SLC13A3: variants seen among roughly 807,000 people sequenced by gnomAD.
SLC13A3 encodes solute carrier family 13 member 3.
A neutral mutation model predicts 59.0 loss-of-function variants in SLC13A3; 40 were observed. The observed-to-expected ratio is 0.68, with a 90% CI of 0.53 to 0.88. The LOEUF (loss-of-function observed/expected upper bound fraction) is 0.88. Among genes scored for constraint, SLC13A3 ranks in the 40% least tolerant of loss-of-function variants. The probability of loss-of-function intolerance (pLI) is 0.00; values close to 1 mark genes in which losing one functional copy is unlikely to be tolerated. For synonymous variants in SLC13A3, 317 were observed against 330.3 expected (o/e 0.96, Z 0.44); for missense variants, 699 against 783.2 (o/e 0.89, Z 1.28).
intron 1 of SLC13A3, among the ~76,000 whole-genome samples, chr20:46,622,920 A>T (rs1333985682): frequency 6.6e-6 from 1 of 152,206 alleles, no homozygotes; most frequent in Non-Finnish European, 1.5e-5. Context: ...AAAAGAAATT[A>T]AAAAGTTGAA....
intron 9 of SLC13A3, among the ~76,000 whole-genome samples, chr20:46,576,408 G>A (rs918788658): frequency 6.6e-6 from 1 of 152,224 alleles, no homozygotes; most frequent in East Asian, 1.9e-4. Context: ...ACCTTCCTCA[G>A]TCTTGGCTTA....
rs2062484228 is a variant in SLC13A3 at position 46,610,553 on chromosome 20, G to A, written c.434C>T (p.Thr145Ile). The change falls in exon 3 of 13, where the codon ACC becomes ATC. Residue 145 changes from threonine (T) to isoleucine (I), a missense_variant. Physicochemically the swap from Thr to Ile is moderately conservative, Grantham distance 89. Transcript: ENST00000279027. ...GGGAAGCATCATGGCAGTGGAGGCG[G>A]TGTTGCTCAGCCACATGGACAAGAA... is the stretch of plus-strand genomic sequence containing the variant. Reference protein sequence around the residue: ...TSFLSMWLSNTASTAMMLPIA... With the variant: ...TSFLSMWLSNIASTAMMLPIA... The A allele has an allele frequency of 6.2e-7, 1 of 1,613,970 alleles. No individual in the cohort carries two copies. The highest frequency in any genetic ancestry group is 1.3e-5 in the African/African-American group (1 of 74,900).
At chr20:46,576,143 G>A (rs1039944244) in intron 9 of SLC13A3, among the ~76,000 whole-genome samples, 10 of 152,076 alleles carry the variant, frequency 6.6e-5, no homozygotes, top group African/African-American at 2.4e-4. Context: ...GCGCTGCAGT[G>A]GTGAGGACAG....
At chr20:46,564,215 T>C (rs1239500724) in intron 11 of SLC13A3, among the ~76,000 whole-genome samples, 1 of 152,238 alleles carries the variant, frequency 6.6e-6, no homozygotes, top group Non-Finnish European at 1.5e-5. Flanking sequence ...AGAGAGCTCA[T>C]GAGAGCATCT....
chr20:46,608,896 A>T, intron 3 of SLC13A3: 2 of 1,550,618 alleles, frequency 1.3e-6, no homozygotes, highest in Non-Finnish European at 1.7e-6. Context: ...AGGTGCCATC[A>T]TATTCACATT....
intron 5 of SLC13A3, 80 bp downstream of exon 5, chr20:46,596,077 A>C (rs2062309011): frequency 5.1e-6 from 7 of 1,360,196 alleles, no homozygotes; most frequent in Non-Finnish European, 6.1e-6. Context: ...CTCAATACAC[A>C]TTCCCTGGAT....
At chr20:46,592,639 T>C in intron 5 of SLC13A3, 110 bp from the exon 6 acceptor site, 2 of 1,101,102 alleles carry the variant, frequency 1.8e-6, no homozygotes, top group Non-Finnish European at 1.3e-6. Context: ...AATGAGAGGG[T>C]CCCATGGAAG....
chr20:46,662,031 C>T (rs1177536777), intron 1 of SLC13A3, among the ~76,000 whole-genome samples: 1 of 152,222 alleles, frequency 6.6e-6, no homozygotes, highest in East Asian at 1.9e-4. Context: ...ATAAGCTACA[C>T]AGAAGCTCTC....
At chr20:46,596,404 G>A (rs1759909379) in intron 4 of SLC13A3, 62 bp from the exon 5 acceptor site, 1 of 1,454,294 alleles carries the variant, frequency 6.9e-7, no homozygotes, top group African/African-American at 1.4e-5. Context: ...CAGACTGCCT[G>A]GGAGTTGGGG....
intron 10 of SLC13A3, among the ~76,000 whole-genome samples, chr20:46,569,715 T>C (rs2146087652): frequency 6.6e-6 from 1 of 152,274 alleles, no homozygotes; most frequent in East Asian, 1.9e-4. Flanking sequence ...GTTGTCAAAT[T>C]ATGTTCCTTA....
chr20:46,635,072 C>T (rs777270861), intron 1 of SLC13A3, among the ~76,000 whole-genome samples: 18 of 152,184 alleles, frequency 1.2e-4, no homozygotes, highest in Non-Finnish European at 2.4e-4. Context: ...TTTTCTGTGA[C>T]CAGGGGACCA....
rs965331949 is a variant in SLC13A3 at position 46,596,310 on chromosome 20, A to G, written c.641T>C (p.Leu214Pro). 6.2e-7 allele frequency: 1 copy of G among 1,614,082 alleles called. No homozygotes were observed. The highest frequency in any genetic ancestry group is 1.3e-5 in the African/African-American group (1 of 74,932). Reference sequence around the variant, plus strand: ...CTTCCTGGAGTCAGCCGGCAGATCCAGTGGAACCTCTGTCTCCCCAGGGTG... The same window carrying G: ...CTTCCTGGAGTCAGCCGGCAGATCCGGTGGAACCTCTGTCTCCCCAGGGTG... ...KDHPGETEVP[L>P]DLPADSRKED... is the part of the protein sequence containing the mutation. The change falls in exon 5 of 13, where the codon CTG becomes CCG. Residue 214 changes from leucine (L) to proline (P), a missense_variant. Transcript: ENST00000279027.
chr20:46,676,335 G>A (rs142013449), intron 1 of SLC13A3, among the ~76,000 whole-genome samples: 769 of 150,418 alleles, frequency 5.1e-3, no homozygotes, highest in Non-Finnish European at 8.4e-3. Context: ...AATAGAACTT[G>A]TCCATCCCCC....
In SLC13A3 at chr20:46,629,230, G is replaced by A. The variant is rs185886859; in HGVS notation, c.112-15505C>T. ...TTATTGGGTTACATGTTCTTTCTCT[G>A]AGAATTAGCAGATATTTAATTATTG... On this transcript the variant is annotated intron_variant, in intron 1 of 12. Transcript: ENST00000279027. 9.9e-5 allele frequency among the ~76,000 whole-genome samples: 15 copies of A among 152,284 alleles called. No individual in the cohort carries two copies. The East Asian group carries it at 2.9e-3, about 29-fold the overall frequency.
At chr20:46,615,882 C>CT (rs1164764683) in intron 1 of SLC13A3, among the ~76,000 whole-genome samples, 1 of 152,172 alleles carries the variant, frequency 6.6e-6, no homozygotes, top group East Asian at 1.9e-4. Flanking sequence ...TTCCTATTGA[C>CT]TTAAGATACA....
intron 10 of SLC13A3, among the ~76,000 whole-genome samples, chr20:46,573,375 T>G (rs2062046751): frequency 6.6e-6 from 1 of 152,208 alleles, no homozygotes; most frequent in Non-Finnish European, 1.5e-5. Flanking sequence ...CTCTGATTAC[T>G]CGGACTGCCT....
intron 1 of SLC13A3, among the ~76,000 whole-genome samples, chr20:46,614,882 C>T (rs1205076628): frequency 6.6e-6 from 1 of 152,120 alleles, no homozygotes; most frequent in East Asian, 1.9e-4. Flanking sequence ...TCAGTGGTTG[C>T]CAAGGCTAGG....
chr20:46,566,330 C>CG lies in SLC13A3; in HGVS notation c.1392dup (p.Ala465ArgfsTer16). On this transcript the variant is annotated frameshift_variant, in exon 11 of 13. Coordinates refer to ENST00000279027, the MANE Select transcript of SLC13A3 (RefSeq NM_022829.6). LOFTEE classifies it high-confidence loss of function. ...ACAGTGATGAGCAGCACAGCCAGGG[C>CG]GGGGGGCACATTCTCCAGGGGGTGC... 3 of 1,612,646 alleles carry CG rather than the reference C, an allele frequency of 1.9e-6. No individual in the cohort carries two copies. The highest frequency in any genetic ancestry group is 8.5e-7 in the Non-Finnish European group (1 of 1,178,970).
At chr20:46,646,155 G>A (rs1043392886) in intron 1 of SLC13A3, among the ~76,000 whole-genome samples, 5 of 152,122 alleles carry the variant, frequency 3.3e-5, no homozygotes, top group Non-Finnish European at 7.3e-5. Context: ...TGGACTTGCA[G>A]TTTTTTTCTG....
Sources: allele counts gnomAD v4.1 joint callset (sites outside exome capture counted in the v4.1 genomes callset), GRCh38; gene constraint gnomAD v4.1.1; transcripts MANE v1.5; gene names NCBI Gene and HGNC (gene_info 2026-07-23, HGNC 2026-07-21).